Variants in PLP1 observed in about 807,000 individuals in gnomAD.
PLP1 encodes proteolipid protein 1.
A neutral mutation model predicts 18.5 loss-of-function variants in PLP1; 2 were observed. The ratio of observed to expected loss-of-function variants is 0.11; its 90% confidence interval spans 0.04 to 0.34. The LOEUF is 0.34. PLP1 is among the 10% of genes least tolerant of loss of function. The pLI, the probability that PLP1 is intolerant of heterozygous loss-of-function variation, is 1.00. For missense variants in PLP1, 105 were observed against 207.3 expected (o/e 0.51, Z 3.03); for synonymous variants, 86 against 83.2 (o/e 1.03, Z -0.19).
In PLP1 at chrX:103,790,630, C is replaced by T; in HGVS notation, c.*32C>T. The T allele has an allele frequency of 9.4e-7, 1 of 1,065,763 alleles. No homozygotes were observed. 87.8% of individuals were successfully genotyped at this position (1,065,763 alleles called of 1,213,427 possible). On this transcript the variant is annotated 3_prime_UTR_variant, in exon 7 of 7. Coordinates refer to ENST00000621218, the MANE Select transcript of PLP1 (RefSeq NM_000533.5). ...GTAGAAATCCCCCTTTCTCTAATAG[C>T]GAGGCTCTAACCACACAGCCTACAA...
chrX:103,786,425 A>G (rs1452962441), intron 2 of PLP1, 40 bp from the exon 3 acceptor site: 4 of 1,193,141 alleles, frequency 3.4e-6, no homozygotes, highest in Admixed American at 2.2e-5. Context: ...TCTTCAATTA[A>G]TAAGATTCCC....
intron 1 of PLP1, among the ~76,000 whole-genome samples, chrX:103,777,266 T>C (rs1396672563): frequency 9.0e-6 from 1 of 111,563 alleles, no homozygotes; most frequent in East Asian, 2.8e-4. Flanking sequence ...TGTGGTCATG[T>C]GTCCTCCTAC....
intron 1 of PLP1, among the ~76,000 whole-genome samples, chrX:103,784,328 A>G (rs1227878057): frequency 8.9e-6 from 1 of 111,745 alleles, no homozygotes; most frequent in Non-Finnish European, 1.9e-5. Flanking sequence ...CTGACTTTGT[A>G]TAAAGTCTGT....
intron 6 of PLP1, 78 bp downstream of exon 6, chrX:103,789,476 G>A: frequency 1.3e-6 from 1 of 771,257 alleles, no homozygotes; most frequent in African/African-American, 2.0e-5. Flanking sequence ...AAGGCAAGAA[G>A]GTAGACTGCT....
At chrX:103,776,711 G>A, upstream of PLP1, 1 of 323,761 alleles carries the variant, frequency 3.1e-6, no homozygotes, top group Non-Finnish European at 5.4e-6. Context: ...AAGGCAGAAA[G>A]AGAAGATGGA....
At chrX:103,786,111 G>C (rs1272776406) in intron 2 of PLP1, 3 of 1,081,888 alleles carry the variant, frequency 2.8e-6, no homozygotes, top group Admixed American at 5.7e-5. Flanking sequence ...CCTGTTCCTA[G>C]AACAAGTTAG....
chrX:103,784,536 G>A (rs2074478815), intron 1 of PLP1, among the ~76,000 whole-genome samples: 1 of 111,760 alleles, frequency 8.9e-6, no homozygotes, highest in Admixed American at 9.5e-5. Flanking sequence ...TGTTTGGACT[G>A]CTCCTCCCAT....
chrX:103,784,069 G>C (rs1244613066), intron 1 of PLP1, among the ~76,000 whole-genome samples: 1 of 112,087 alleles, frequency 8.9e-6, no homozygotes, highest in African/African-American at 3.2e-5. Flanking sequence ...TCCTCATCTA[G>C]TCAGTCATCT....
rs189028868 is a variant in PLP1 at position 103,784,034 on chromosome X, G to A, written c.5-1548G>A. ...TCTTCTACATTTTAGGGATCTGGCC[G>A]AGAGGCCAGAGGAAGCCATTCTTTT... On this transcript the variant is annotated intron_variant, in intron 1 of 6. Coordinates refer to ENST00000621218, the MANE Select transcript of PLP1 (RefSeq NM_000533.5). 2.2e-3 allele frequency among the ~76,000 whole-genome samples: 242 copies of A among 112,233 alleles called. 1 individual carries two copies. Among genetic ancestry groups the A allele is most frequent in the Non-Finnish European group, 2.5e-3 (133 of 53,274 alleles).
rs1455911401 is a variant in PLP1, at chrX:103,791,045, G to A, written c.*447G>A. 2 of 148,062 alleles carry A rather than the reference G, an allele frequency of 1.4e-5. No homozygotes were observed. The highest frequency in any genetic ancestry group is 2.6e-5 in the Non-Finnish European group (2 of 75,926). The allele number at this position is 148,062 out of a possible 1,213,427, so 12.2% of individuals were successfully genotyped here. ...AGGGGCCAAATATATTCTCTTTGGTGTACAAAATGGAATTCATTCTGGTCT... is the reference window on the plus strand; with the variant it reads ...AGGGGCCAAATATATTCTCTTTGGTATACAAAATGGAATTCATTCTGGTCT... On this transcript the variant is annotated 3_prime_UTR_variant, in exon 7 of 7. Coordinates refer to ENST00000621218, the MANE Select transcript of PLP1 (RefSeq NM_000533.5).
At chrX:103,778,288 A>G (rs2074426509) in intron 1 of PLP1, among the ~76,000 whole-genome samples, 1 of 112,411 alleles carries the variant, frequency 8.9e-6, no homozygotes, top group South Asian at 3.7e-4. Flanking sequence ...GTAAATCATG[A>G]TAATACCTAC....
chrX:103,784,564 T>A (rs1248216562), intron 1 of PLP1, among the ~76,000 whole-genome samples: 1 of 112,053 alleles, frequency 8.9e-6, no homozygotes, highest in Non-Finnish European at 1.9e-5. Context: ...CTAAGAAGAA[T>A]CAAGCATTCT....
chrX:103,778,132 T>A (rs1349311377), intron 1 of PLP1, among the ~76,000 whole-genome samples: 1 of 112,233 alleles, frequency 8.9e-6, no homozygotes, highest in Non-Finnish European at 1.9e-5. Context: ...TTATGAACTA[T>A]GTGACCTTGG....
chrX:103,786,068 G>A (rs1201307214), intron 2 of PLP1: 2 of 1,056,804 alleles, frequency 1.9e-6, no homozygotes, highest in Non-Finnish European at 2.4e-6. Flanking sequence ...AGCGTAGTAG[G>A]TATGGAGAAG....
intron 5 of PLP1, chrX:103,788,720 C>T: frequency 2.3e-6 from 1 of 432,303 alleles, no homozygotes; most frequent in Non-Finnish European, 4.1e-6. Context: ...AGAAAGACTT[C>T]CTTTCCAACC....
chrX:103,784,366 G>A (rs904339924), intron 1 of PLP1, among the ~76,000 whole-genome samples: 9 of 111,684 alleles, frequency 8.1e-5, no homozygotes, highest in Non-Finnish European at 1.5e-4. Flanking sequence ...GAATCTCAGC[G>A]TATAACTGAG....
chrX:103,784,157 A>G (rs747936650), intron 1 of PLP1, among the ~76,000 whole-genome samples: 1 of 111,460 alleles, frequency 9.0e-6, no homozygotes, highest in South Asian at 3.8e-4. Context: ...CTGCTTTCAG[A>G]GCCTGTGACT....
chrX:103,785,497 G>A (rs2074487113), intron 1 of PLP1, 85 bp from the exon 2 acceptor site: 2 of 861,477 alleles, frequency 2.3e-6, no homozygotes, highest in South Asian at 2.1e-5. Context: ...CTCCGAGCCT[G>A]TGAGCACAGG....
chrX:103,785,532 A>C, intron 1 of PLP1, 50 bp from the exon 2 acceptor site: 2 of 1,083,536 alleles, frequency 1.8e-6, no homozygotes, highest in Non-Finnish European at 2.6e-6. Flanking sequence ...TTTGAGTGGC[A>C]TGAGCTACCT....
Sources: gnomAD v4.1 joint callset for allele counts (sites outside exome capture counted in the v4.1 genomes callset) on GRCh38, gnomAD v4.1.1 for gene constraint, MANE v1.5 for transcripts, NCBI Gene and HGNC (gene_info 2026-07-23, HGNC 2026-07-21) for gene names.